Variants in GHR observed in about 807,000 individuals in gnomAD.
GHR encodes the protein GH receptor.
Under a neutral mutation model 67.1 loss-of-function variants are expected in GHR, and 35 were observed. That is an observed-to-expected ratio of 0.52 (90% CI 0.40 to 0.69). The LOEUF (loss-of-function observed/expected upper bound fraction) is 0.69. GHR is among the 30% of genes least tolerant of loss of function. The pLI is 0.00. For missense variants in GHR, 792 were observed against 764.6 expected (o/e 1.04, Z -0.42); for synonymous variants, 272 against 269.1 (o/e 1.01, Z -0.10).
At chr5:42,491,746 G>T (rs185266708) in intron 1 of GHR, among the ~76,000 whole-genome samples, 1 of 152,158 alleles carries the variant, frequency 6.6e-6, no homozygotes, top group Non-Finnish European at 1.5e-5. Context: ...GAAGGAAGGC[G>T]GAATGGATGA....
intron 6 of GHR, among the ~76,000 whole-genome samples, chr5:42,710,357 G>T (rs1191947772): frequency 7.2e-6 from 1 of 138,752 alleles, no homozygotes; most frequent in Non-Finnish European, 1.5e-5. Flanking sequence ...CTATAAACAG[G>T]AACAAGGTGT....
intron 1 of GHR, chr5:42,467,952 C>A (rs1312324342): frequency 1.6e-5 from 11 of 681,472 alleles, no homozygotes; most frequent in African/African-American, 3.6e-5. Context: ...TATCTGAAAT[C>A]TTTCCTTTCC....
At chr5:42,642,382 C>T (rs1362188179) in intron 3 of GHR, among the ~76,000 whole-genome samples, 1 of 152,132 alleles carries the variant, frequency 6.6e-6, no homozygotes, top group Non-Finnish European at 1.5e-5. Context: ...TTATGTTCCC[C>T]TCAAGGCATA....
chr5:42,508,615 C>A (rs1007323000), intron 1 of GHR, among the ~76,000 whole-genome samples: 4 of 152,186 alleles, frequency 2.6e-5, no homozygotes, highest in African/African-American at 9.7e-5. Context: ...GCTCTGTCGC[C>A]CAGGCTGGAG....
intron 4 of GHR, among the ~76,000 whole-genome samples, chr5:42,692,953 A>G (rs1388006380): frequency 1.3e-5 from 2 of 152,120 alleles, no homozygotes; most frequent in Non-Finnish European, 2.9e-5. Context: ...TTTGAAAGTA[A>G]ATATCAAATT....
chr5:42,625,522 T>G (rs1416365989), intron 2 of GHR, among the ~76,000 whole-genome samples: 1 of 152,126 alleles, frequency 6.6e-6, no homozygotes, highest in Non-Finnish European at 1.5e-5. Flanking sequence ...CAGGAGGTCC[T>G]GAGAACATGT....
At chr5:42,618,171 T>G (rs1359211315) in intron 2 of GHR, among the ~76,000 whole-genome samples, 1 of 152,138 alleles carries the variant, frequency 6.6e-6, no homozygotes, top group East Asian at 1.9e-4. Context: ...TGTCACCATA[T>G]CCATCTACAT....
rs9918168 is a variant in GHR at position 42,614,817 on chromosome 5, C to A, written c.71-14221C>A. Among the ~76,000 whole-genome samples, 1,363 of 151,882 alleles carry A rather than the reference C, an allele frequency of 9.0e-3. 20 individuals carry two copies. The highest frequency in any genetic ancestry group is 0.032 in the African/African-American group (1,314 of 41,414). On this transcript the variant is annotated intron_variant, in intron 2 of 9. Coordinates refer to ENST00000230882, the MANE Select transcript of GHR (RefSeq NM_000163.5). ...TGTTGGCTCCAGGGAGTTTGAAAGT[C>A]TAGGACAGAATTTTTCTTCCTAGGT...
intron 2 of GHR, among the ~76,000 whole-genome samples, chr5:42,579,917 TTA>T (rs1047672579): frequency 1.2e-4 from 19 of 152,140 alleles, no homozygotes; most frequent in African/African-American, 4.6e-4. Flanking sequence ...TTTTTTTTTT[TTA>T]AAATCATTAC....
intron 1 of GHR, among the ~76,000 whole-genome samples, chr5:42,447,372 C>T (rs1344213720): frequency 6.6e-6 from 1 of 152,162 alleles, no homozygotes; most frequent in East Asian, 1.9e-4. Context: ...TTAGTTCCCA[C>T]TTACAAGTGA....
chr5:42,698,074 T>A (rs935287758), intron 5 of GHR, among the ~76,000 whole-genome samples: 1 of 152,082 alleles, frequency 6.6e-6, no homozygotes, highest in South Asian at 2.1e-4. Flanking sequence ...TTAACAGAGA[T>A]GGAAAAGAGG....
chr5:42,640,450 A>ACTG (rs1378812474), intron 3 of GHR, among the ~76,000 whole-genome samples: 2 of 152,138 alleles, frequency 1.3e-5, no homozygotes, highest in Admixed American at 6.5e-5. Context: ...TATTATTTTT[A>ACTG]CTGCTGCTGC....
chr5:42,480,468 T>A (rs899143025), intron 1 of GHR, among the ~76,000 whole-genome samples: 3 of 152,200 alleles, frequency 2.0e-5, no homozygotes, highest in Admixed American at 2.0e-4. Flanking sequence ...CGTTGATCTG[T>A]CTAATGTTGA....
chr5:42,566,090 C>A, intron 2 of GHR, 146 bp downstream of exon 2: 1 of 899,406 alleles, frequency 1.1e-6, no homozygotes, highest in Non-Finnish European at 1.8e-6. Flanking sequence ...GCTTTAAAAT[C>A]AGAAACTAGT....
intron 8 of GHR, among the ~76,000 whole-genome samples, chr5:42,717,136 C>T (rs547521218): frequency 6.6e-6 from 1 of 152,010 alleles, no homozygotes; most frequent in Non-Finnish European, 1.5e-5. Context: ...TAGAGCAAGA[C>T]TCCATTACAA....
chr5:42,626,747 C>T (rs140006050), intron 2 of GHR, among the ~76,000 whole-genome samples: 1,590 of 152,260 alleles, frequency 0.01, 15 homozygotes, highest in South Asian at 0.022. Flanking sequence ...GGAACTGTGT[C>T]AAGAAACGGA....
intron 1 of GHR, among the ~76,000 whole-genome samples, chr5:42,510,923 A>G: frequency 6.6e-6 from 1 of 152,218 alleles, no homozygotes; most frequent in East Asian, 1.9e-4. Context: ...GCAGCAGCCA[A>G]CTTCAGGGAT....
intron 1 of GHR, among the ~76,000 whole-genome samples, chr5:42,514,606 G>A (rs1353829605): frequency 6.6e-6 from 1 of 152,146 alleles, no homozygotes; most frequent in Non-Finnish European, 1.5e-5. Flanking sequence ...AAAGATCGGA[G>A]GCAAAGACAG....
chr5:42,514,255 T>C (rs1188270750), intron 1 of GHR: 2 of 985,186 alleles, frequency 2.0e-6, no homozygotes, highest in Admixed American at 6.1e-5. Flanking sequence ...AAATCTTCCA[T>C]GACCAAGGTC....
Sources: gnomAD v4.1 joint callset for allele counts (sites outside exome capture counted in the v4.1 genomes callset) on GRCh38, gnomAD v4.1.1 for gene constraint, MANE v1.5 for transcripts, NCBI Gene and HGNC (gene_info 2026-07-23, HGNC 2026-07-21) for gene names.